Variants in PPP6C observed in about 807,000 individuals in gnomAD.
The protein encoded by PPP6C is serine/threonine-protein phosphatase 6 catalytic subunit.
A neutral mutation model predicts 39.8 loss-of-function variants in PPP6C; 11 were observed. The ratio of observed to expected loss-of-function variants is 0.28; its 90% CI spans 0.17 to 0.46. PPP6C has a LOEUF of 0.46. Among genes scored for constraint, PPP6C ranks in the 20% least tolerant of loss-of-function variants. The pLI, the probability that PPP6C is intolerant of heterozygous loss-of-function variation, is 1.00. For missense variants in PPP6C, 211 were observed against 373.9 expected, an observed-to-expected ratio of 0.56 and a Z score of 3.59; for synonymous variants, 129 against 130.3, an observed-to-expected ratio of 0.99 and a Z score of 0.07.
At chr9:125,182,533 A>G (rs1473058564) in intron 1 of PPP6C, among the ~76,000 whole-genome samples, 1 of 151,960 alleles carries the variant, frequency 6.6e-6, no homozygotes, top group Non-Finnish European at 1.5e-5. Context: ...TATTTCACAC[A>G]GTCTTTATAT....
At chr9:125,169,800 T>C (rs758059219) in intron 2 of PPP6C, among the ~76,000 whole-genome samples, 9 of 152,178 alleles carry the variant, frequency 5.9e-5, no homozygotes, top group Non-Finnish European at 1.0e-4. Flanking sequence ...CAATCAAAGA[T>C]GACATAATGG....
intron 1 of PPP6C, among the ~76,000 whole-genome samples, chr9:125,177,572 T>C (rs1172994164): frequency 6.6e-6 from 1 of 152,000 alleles, no homozygotes; most frequent in Non-Finnish European, 1.5e-5. Context: ...AAGAAAAAAG[T>C]GCAGAGTTCC....
intron 1 of PPP6C, among the ~76,000 whole-genome samples, chr9:125,189,392 G>A (rs1429706042): frequency 6.6e-6 from 1 of 152,232 alleles, no homozygotes; most frequent in Non-Finnish European, 1.5e-5. Context: ...GCAGCCCGAA[G>A]GCCAGAAGGG....
chr9:125,152,487 A>T (rs1324672842), intron 6 of PPP6C, among the ~76,000 whole-genome samples: 7 of 151,906 alleles, frequency 4.6e-5, no homozygotes, highest in Non-Finnish European at 1.0e-4. Context: ...CTTTCTTTGG[A>T]TCTATTTGGC....
chr9:125,172,113 A>C (rs1463855850), intron 1 of PPP6C: 5 of 354,014 alleles, frequency 1.4e-5, no homozygotes, highest in Admixed American at 1.2e-4. Context: ...GCCACACAAC[A>C]ACCTGGATTC....
Position 125,149,756 on chromosome 9 carries a change from T to C in PPP6C, c.835A>G (p.Thr279Ala). ...ASIMVFKDVN[T>A]REPKLFRAVP... ...GCCCGGAATAACTTTGGTTCTCTTGTATTTACATCTTTGAAGACCATGATC... is the reference window on the plus strand; with the variant it reads ...GCCCGGAATAACTTTGGTTCTCTTGCATTTACATCTTTGAAGACCATGATC... The change falls in exon 7 of 7, where the codon ACA (threonine) becomes GCA (alanine). Residue 279 changes from threonine to alanine, a missense_variant. Physicochemically the swap from Thr to Ala is moderately conservative, Grantham distance 58. Transcript: ENST00000373547. 1 of 1,614,186 alleles carries C rather than the reference T, an allele frequency of 6.2e-7. No individual in the cohort carries two copies. The highest frequency in any genetic ancestry group is 8.5e-7 in the Non-Finnish European group (1 of 1,180,038).
At chr9:125,164,009 T>C (rs926349918) in intron 2 of PPP6C, among the ~76,000 whole-genome samples, 1 of 151,270 alleles carries the variant, frequency 6.6e-6, no homozygotes, top group African/African-American at 2.4e-5. Context: ...CGCTGATTTT[T>C]GTATTTTTAT....
intron 1 of PPP6C, chr9:125,188,985 T>C (rs1829599617): frequency 6.7e-7 from 1 of 1,486,086 alleles, no homozygotes; most frequent in Non-Finnish European, 9.2e-7. Flanking sequence ...GTATTTGTAT[T>C]TATTGAGAAC....
chr9:125,154,454 GT>G (rs1836021465), intron 4 of PPP6C, among the ~76,000 whole-genome samples: 1 of 152,206 alleles, frequency 6.6e-6, no homozygotes, highest in Admixed American at 6.5e-5. Context: ...CATATATACA[GT>G]CCATCATCGA....
intron 4 of PPP6C, among the ~76,000 whole-genome samples, chr9:125,157,389 A>T (rs1419850235): frequency 6.6e-6 from 1 of 152,146 alleles, no homozygotes; most frequent in African/African-American, 2.4e-5. Flanking sequence ...GCAGCTTAAA[A>T]ACAACTCTAA....
At chr9:125,157,811 C>T (rs1418400280) in intron 4 of PPP6C, among the ~76,000 whole-genome samples, 1 of 151,946 alleles carries the variant, frequency 6.6e-6, no homozygotes, top group Non-Finnish European at 1.5e-5. Context: ...CTGCCTCAGC[C>T]TCCCGAGTAA....
chr9:125,155,667 G>C (rs959638301), intron 4 of PPP6C, among the ~76,000 whole-genome samples: 1 of 152,156 alleles, frequency 6.6e-6, no homozygotes, highest in African/African-American at 2.4e-5. Flanking sequence ...ACTTTGGGAG[G>C]CCGAGGCGGG....
chr9:125,160,672 C>T (rs1477721108), intron 3 of PPP6C, among the ~76,000 whole-genome samples, 169 bp downstream of exon 3: 1 of 152,164 alleles, frequency 6.6e-6, no homozygotes, highest in Non-Finnish European at 1.5e-5. Flanking sequence ...GTAAATTGCC[C>T]AGTCTCAGGT....
At chr9:125,180,130 C>T (rs1829391386) in intron 1 of PPP6C, among the ~76,000 whole-genome samples, 1 of 152,186 alleles carries the variant, frequency 6.6e-6, no homozygotes, top group South Asian at 2.1e-4. Flanking sequence ...CATTAGCAGT[C>T]ACTCCCCTCA....
At chr9:125,177,618 A>G (rs1053278186) in intron 1 of PPP6C, among the ~76,000 whole-genome samples, 6 of 152,178 alleles carry the variant, frequency 3.9e-5, no homozygotes, top group Non-Finnish European at 8.8e-5. Flanking sequence ...GCCTCCCCGC[A>G]TCAACATCTC....
intron 1 of PPP6C, among the ~76,000 whole-genome samples, chr9:125,173,050 G>T (rs1277590332): frequency 1.3e-5 from 2 of 152,184 alleles, no homozygotes; most frequent in Non-Finnish European, 2.9e-5. Context: ...GCCAAAGTGG[G>T]TGGATCATTT....
chr9:125,179,567 TG>T (rs1418098963), intron 1 of PPP6C, among the ~76,000 whole-genome samples: 1 of 152,088 alleles, frequency 6.6e-6, no homozygotes, highest in African/African-American at 2.4e-5. Flanking sequence ...TCTGAGGCTT[TG>T]TACTTTCTGT....
At chr9:125,187,639 A>T (rs1021485434) in intron 1 of PPP6C, among the ~76,000 whole-genome samples, 1 of 152,014 alleles carries the variant, frequency 6.6e-6, no homozygotes, top group African/African-American at 2.4e-5. Flanking sequence ...AGCTTTATGC[A>T]TGATAAATAA....
intron 1 of PPP6C, among the ~76,000 whole-genome samples, chr9:125,182,549 C>A (rs1057315808): frequency 3.1e-4 from 47 of 151,746 alleles, no homozygotes; most frequent in African/African-American, 1.1e-3. Context: ...TATATAAAGT[C>A]TCTACTATAA....
Sources: allele counts gnomAD v4.1 joint callset (sites outside exome capture counted in the v4.1 genomes callset), GRCh38; gene constraint gnomAD v4.1.1; transcripts MANE v1.5; gene names NCBI Gene and HGNC (gene_info 2026-07-23, HGNC 2026-07-21).